The following SYN3 variants were observed in gnomAD, a reference collection of about 807,000 sequenced individuals.
The protein encoded by SYN3 is synapsin-3.
SYN3 carries 35 observed loss-of-function variants against 65.8 expected under a neutral mutation model. The observed-to-expected ratio is 0.53, with a 90% CI of 0.41 to 0.70. The LOEUF is 0.70. Ranked by LOEUF, SYN3 falls within the 30% of genes least tolerant of loss-of-function variation. The pLI is 0.00. For synonymous variants in SYN3, 270 were observed against 292.9 expected, an observed-to-expected ratio of 0.92 and a Z score of 0.80; for missense variants, 680 against 749.0, an observed-to-expected ratio of 0.91 and a Z score of 1.08.
At chr22:32,980,240 G>A (rs972856532) in intron 3 of SYN3, among the ~76,000 whole-genome samples, 1 of 152,132 alleles carries the variant, frequency 6.6e-6, no homozygotes, top group East Asian at 1.9e-4. Context: ...GAAAATGAGA[G>A]AGGCAGGATT....
intron 6 of SYN3, among the ~76,000 whole-genome samples, chr22:32,755,096 T>C (rs1480924320): frequency 6.6e-6 from 1 of 152,220 alleles, no homozygotes; most frequent in Admixed American, 6.5e-5. Flanking sequence ...GGAACTGGTC[T>C]GGGGAAGGTT....
In SYN3 at chr22:32,890,802, T is replaced by C. The variant is rs1601632278; in HGVS notation, c.462-21677A>G. On this transcript the variant is annotated intron_variant, in intron 4 of 13. Coordinates refer to ENST00000358763, the MANE Select transcript of SYN3 (RefSeq NM_003490.4). The stretch of plus-strand genomic sequence containing the variant: ...CATCTTCATTGATTTATAATAACTA[T>C]ATATATAGAGAGAGAGAGAGCTTCC... Among the ~76,000 whole-genome samples the C allele has an allele frequency of 3.3e-5, 5 of 152,136 alleles. No homozygotes were observed. The East Asian group carries it at 9.6e-4, about 29-fold the overall frequency.
chr22:32,677,374 T>C (rs1041514928), intron 6 of SYN3, among the ~76,000 whole-genome samples: 3 of 152,208 alleles, frequency 2.0e-5, no homozygotes, highest in Non-Finnish European at 2.9e-5. Flanking sequence ...CCATTGTTCA[T>C]GGAAGACTGC....
chr22:32,575,437 G>A (rs960830518), intron 7 of SYN3, among the ~76,000 whole-genome samples: 5 of 152,262 alleles, frequency 3.3e-5, no homozygotes, highest in Admixed American at 3.3e-4. Flanking sequence ...AAGCATGGGG[G>A]TGGGGGTCTT....
intron 6 of SYN3, among the ~76,000 whole-genome samples, chr22:32,763,973 T>A (rs559898913): frequency 1.1e-3 from 163 of 146,272 alleles, no homozygotes; most frequent in African/African-American, 3.8e-3. Flanking sequence ...AGTCTCACTC[T>A]GTCGCTCAGG....
At chr22:32,781,287 C>A (rs533585265) in intron 6 of SYN3, among the ~76,000 whole-genome samples, 32 of 152,166 alleles carry the variant, frequency 2.1e-4, no homozygotes, top group African/African-American at 7.7e-4. Flanking sequence ...CATCATCCTC[C>A]CTCTCACCCT....
intron 1 of SYN3, among the ~76,000 whole-genome samples, chr22:33,038,213 G>A (rs1243438728): frequency 2.6e-5 from 4 of 152,220 alleles, no homozygotes; most frequent in African/African-American, 4.8e-5. Flanking sequence ...CCAGGCACCA[G>A]GATCCCTAAG....
chr22:32,831,334 A>T (rs997026817), intron 6 of SYN3, among the ~76,000 whole-genome samples: 1 of 152,186 alleles, frequency 6.6e-6, no homozygotes, highest in African/African-American at 2.4e-5. Flanking sequence ...GGACCCAGAG[A>T]AGAGGTGAAT....
intron 8 of SYN3, 102 bp from the exon 9 acceptor site, chr22:32,538,212 TG>T: frequency 2.0e-6 from 2 of 980,026 alleles, no homozygotes; most frequent in Non-Finnish European, 3.3e-6. Context: ...TTCAAATAAC[TG>T]GCTCACGTAA....
chr22:32,964,560 G>A (rs1276461671), intron 3 of SYN3, among the ~76,000 whole-genome samples: 1 of 152,016 alleles, frequency 6.6e-6, no homozygotes, highest in African/African-American at 2.4e-5. Flanking sequence ...GTGAGTCAGG[G>A]GAAAACAGGT....
In SYN3 at chr22:32,889,361, T is replaced by C. The variant is rs543518669; in HGVS notation, c.462-20236A>G. ...TTGGAAGGGTTTGCTTTCTAAAGCT[T>C]CCGGAATGGGGTAAGGGTAGAATGA... On this transcript the variant is annotated intron_variant, in intron 4 of 13. Coordinates refer to ENST00000358763, the MANE Select transcript of SYN3 (RefSeq NM_003490.4). Among the ~76,000 whole-genome samples the C allele has an allele frequency of 2.2e-4, 34 of 152,130 alleles. No individual in the cohort carries two copies. The East Asian group carries it at 6.6e-3, about 29-fold the overall frequency.
chr22:32,806,270 T>C (rs1226964490), intron 6 of SYN3, among the ~76,000 whole-genome samples: 3 of 152,146 alleles, frequency 2.0e-5, no homozygotes, highest in Admixed American at 6.5e-5. Flanking sequence ...TCACAGTCCC[T>C]GGATAGATAA....
At chr22:32,678,260 G>A (rs1442910711) in intron 6 of SYN3, among the ~76,000 whole-genome samples, 1 of 152,112 alleles carries the variant, frequency 6.6e-6, no homozygotes, top group Non-Finnish European at 1.5e-5. Flanking sequence ...GCAGAACATT[G>A]GACAGGAGAA....
intron 1 of SYN3, among the ~76,000 whole-genome samples, chr22:33,019,065 A>C (rs2053518184): frequency 6.6e-6 from 1 of 152,160 alleles, no homozygotes. Context: ...TCATTCAGTC[A>C]ACTTTCCACA....
chr22:32,980,808 A>G, intron 2 of SYN3, 106 bp from the exon 3 acceptor site: 2 of 948,762 alleles, frequency 2.1e-6, no homozygotes, highest in Non-Finnish European at 3.4e-6. Context: ...ACACATCCTC[A>G]GCCATCCTAC....
At chr22:32,772,996 T>G (rs542360482) in intron 6 of SYN3, among the ~76,000 whole-genome samples, 1 of 152,334 alleles carries the variant, frequency 6.6e-6, no homozygotes, top group East Asian at 1.9e-4. Context: ...TGGGGCTGTA[T>G]GATCTCCCTC....
chr22:33,033,732 G>A (rs140245927), intron 1 of SYN3, among the ~76,000 whole-genome samples: 89 of 152,168 alleles, frequency 5.8e-4, no homozygotes, highest in African/African-American at 2.0e-3. Flanking sequence ...ATAGCACTGC[G>A]CACTGTGGCA....
At chr22:32,693,894 C>T (rs1307118535) in intron 6 of SYN3, among the ~76,000 whole-genome samples, 2 of 152,124 alleles carry the variant, frequency 1.3e-5, no homozygotes, top group South Asian at 4.2e-4. Flanking sequence ...GTAACTTATA[C>T]TTTTATTGAA....
intron 2 of SYN3, among the ~76,000 whole-genome samples, chr22:32,988,312 A>ATAG (rs1358272342): frequency 0.019 from 1,066 of 55,046 alleles, 19 homozygotes; most frequent in African/African-American, 0.052. Flanking sequence ...TCTCAAAATA[A>ATAG]TAATAATAAT....
Sources: gnomAD v4.1 joint callset for allele counts (sites outside exome capture counted in the v4.1 genomes callset) on GRCh38, gnomAD v4.1.1 for gene constraint, MANE v1.5 for transcripts, NCBI Gene and HGNC (gene_info 2026-07-23, HGNC 2026-07-21) for gene names.